Variants in KDM3B observed in about 807,000 individuals in gnomAD.
KDM3B encodes lysine demethylase 3B.
KDM3B carries 10 observed loss-of-function variants against 170.0 expected under a neutral mutation model. The observed-to-expected ratio is 0.06, with a 90% CI of 0.04 to 0.10. The LOEUF (loss-of-function observed/expected upper bound fraction) is 0.10, where lower values mean the gene tolerates loss of function less well. KDM3B is among the 10% of genes least tolerant of loss of function. KDM3B has a pLI of 1.00. For missense variants in KDM3B, 1,394 were observed against 2,195.2 expected (o/e 0.64, Z 7.29); for synonymous variants, 831 against 834.8 (o/e 1.00, Z 0.08).
chr5:138,396,441 G>A lies in KDM3B; in HGVS notation c.2832-1737G>A, dbSNP rs114636889. ...GGAACTTTGCTCAAGCAGATAAATG[G>A]AGGGAGGGTATGGCTTGAGAGGATT... is the stretch of plus-strand genomic sequence containing the variant. On this transcript the variant is annotated intron_variant, in intron 9 of 23. Transcript: ENST00000314358. 1.6e-3 allele frequency among the ~76,000 whole-genome samples: 240 copies of A among 152,308 alleles called. 1 individual carries two copies. The highest frequency in any genetic ancestry group is 5.1e-3 in the African/African-American group (214 of 41,568).
rs190592497 is a variant in KDM3B at position 138,365,507 on chromosome 5, C to T, written c.193-7167C>T. ...TCCTGACCTCAGGTGATCTGCCTGC[C>T]TCGGCCTCCCAGAGTGCTGGGATTA... On this transcript the variant is annotated intron_variant, in intron 1 of 23. Coordinates refer to ENST00000314358, the MANE Select transcript of KDM3B (RefSeq NM_016604.4). 9.8e-4 allele frequency among the ~76,000 whole-genome samples: 149 copies of T among 152,012 alleles called. No individual in the cohort carries two copies. In the East Asian group the frequency reaches 0.022, roughly 23 times the overall value.
intron 11 of KDM3B, among the ~76,000 whole-genome samples, chr5:138,411,871 T>G (rs1263498934): frequency 1.3e-5 from 2 of 150,602 alleles, no homozygotes; most frequent in Non-Finnish European, 3.0e-5. Flanking sequence ...AGCCAATTTT[T>G]TTGTATTTTT....
intron 20 of KDM3B, among the ~76,000 whole-genome samples, chr5:138,429,051 G>A (rs985889500): frequency 2.0e-5 from 3 of 150,254 alleles, no homozygotes; most frequent in Non-Finnish European, 3.0e-5. Flanking sequence ...CAAGTTACTG[G>A]GCCTACAGGC....
chr5:138,419,043 G>C lies in KDM3B; in HGVS notation c.3526G>C (p.Asp1176His). Residue 1176 changes from aspartate to histidine, a missense_variant, in exon 14 of 24, where the codon GAC (aspartate) becomes CAC (histidine). Coordinates refer to ENST00000314358, the MANE Select transcript of KDM3B (RefSeq NM_016604.4). The stretch of plus-strand genomic sequence containing the variant: ...GGCACCAGTAACAACTCCAGAGCCG[G>C]ACCATGTTCCCAAAGCCGACAGCAC... The part of the protein sequence containing the change: ...GPAPVTTPEP[D>H]HVPKADSTDI... 3 of 1,614,132 alleles carry C rather than the reference G, an allele frequency of 1.9e-6. No individual in the cohort carries two copies. Among genetic ancestry groups the C allele is most frequent in the Non-Finnish European group, 2.5e-6 (3 of 1,180,030 alleles).
rs144047213 is a variant in KDM3B at position 138,419,728 on chromosome 5, TACACACACACAC to T, written c.3715+524_3715+535del. Reference sequence around the variant, plus strand: ...ACACACACATATATATACACACACATACACACACACACACACACACACACACACACACACACA... The same window carrying T: ...ACACACACATATATATACACACACATACACACACACACACACACACACACA... On this transcript the variant is annotated intron_variant, in intron 14 of 23. Coordinates refer to ENST00000314358, the MANE Select transcript of KDM3B (RefSeq NM_016604.4). Among the ~76,000 whole-genome samples the T allele has an allele frequency of 1.7e-3, 213 of 122,192 alleles. 1 individual carries two copies. Among genetic ancestry groups the T allele is most frequent in the African/African-American group, 2.7e-3 (82 of 30,364 alleles). The allele number at this position is 122,192 out of a possible 152,430, so 80.2% of individuals were successfully genotyped here. A position where few individuals can be genotyped will look rare whatever the true frequency, so the allele number is the denominator to read the frequency against.
intron 7 of KDM3B, among the ~76,000 whole-genome samples, chr5:138,387,597 G>A (rs1458021909): frequency 6.6e-6 from 1 of 152,178 alleles, no homozygotes; most frequent in Admixed American, 6.6e-5. Flanking sequence ...AGTGCAGATT[G>A]TTAATCCCTA....
At chr5:138,407,025 G>A (rs1010674742) in intron 11 of KDM3B, among the ~76,000 whole-genome samples, 10 of 131,812 alleles carry the variant, frequency 7.6e-5, no homozygotes, top group East Asian at 6.7e-4. Context: ...TATCTCTGTC[G>A]CCCGGGCTGG....
chr5:138,396,834 T>A (rs1378721399), intron 9 of KDM3B, among the ~76,000 whole-genome samples: 1 of 152,082 alleles, frequency 6.6e-6, no homozygotes, highest in Non-Finnish European at 1.5e-5. Flanking sequence ...ACCAAGAAAC[T>A]GTATTGTGAC....
rs773261500 is a variant in KDM3B, at chr5:138,430,471, CTT to C, written c.5070+47_5070+48del. 58 of 1,533,374 alleles carry C rather than the reference CTT, an allele frequency of 3.8e-5. 1 individual carries two copies. The highest frequency in any genetic ancestry group is 5.0e-5 in the Non-Finnish European group (56 of 1,117,862). 95.0% of individuals were successfully genotyped at this position (1,533,374 alleles called of 1,614,324 possible). On this transcript the variant is annotated intron_variant, in intron 22 of 23. Transcript: ENST00000314358. ...TGGGCTGAACAGTTCCATGGGCTTT[CTT>C]ATTTCTGCTTTTCTTGCTAATCTAC...
chr5:138,388,306 G>C (rs545843590), intron 7 of KDM3B, among the ~76,000 whole-genome samples: 1 of 152,076 alleles, frequency 6.6e-6, no homozygotes, highest in South Asian at 2.1e-4. Flanking sequence ...CTGTGTTTCT[G>C]TTTGGTTCTT....
At chr5:138,363,253 C>A (rs972428361) in intron 1 of KDM3B, among the ~76,000 whole-genome samples, 3 of 152,042 alleles carry the variant, frequency 2.0e-5, no homozygotes, top group Admixed American at 6.6e-5. Flanking sequence ...TTTTGAAGCC[C>A]CTATTAGGCT....
chr5:138,389,881 G>C (rs1380823724), intron 7 of KDM3B, among the ~76,000 whole-genome samples: 1 of 150,786 alleles, frequency 6.6e-6, no homozygotes, highest in Non-Finnish European at 1.5e-5. Flanking sequence ...TTGTTTTTGT[G>C]AGGGAATCTT....
Position 138,392,322 on chromosome 5 carries a change from G to A in KDM3B, c.2629+61G>A, listed in dbSNP as rs1762455944. ...GGCACTGGGCTCAAATGCCTGTCGT[G>A]TTCTTGTGCAGCAGAGGCACTCACT... On this transcript the variant is annotated intron_variant, in intron 8 of 23. Transcript: ENST00000314358. 3 of 1,423,722 alleles carry A rather than the reference G, an allele frequency of 2.1e-6. No individual in the cohort carries two copies. The South Asian group carries it at 5.2e-5, about 25-fold the overall frequency. 88.2% of individuals were successfully genotyped at this position (1,423,722 alleles called of 1,614,324 possible). A position where few individuals can be genotyped will look rare whatever the true frequency, so the allele number is the denominator to read the frequency against.
rs1301512987 is a variant in KDM3B at position 138,393,178 on chromosome 5, G to A, written c.2637G>A (p.Gln879=). The part of the protein sequence containing the change: ...RPRTAPLKVG[Q]SVLKDVSKVK... ...CTCTCCCCCTTGCCACAGTTGGCCA[G>A]TCAGTGCTGAAAGATGTAAGCAAAG... is the stretch of plus-strand genomic sequence containing the variant. The change falls in exon 9 of 24, where the codon CAG becomes CAA. Residue 879 remains glutamine (Q), a synonymous_variant. Transcript: ENST00000314358. The A allele has an allele frequency of 6.2e-7, 1 of 1,613,948 alleles. No individual in the cohort carries two copies. The highest frequency in any genetic ancestry group is 8.5e-7 in the Non-Finnish European group (1 of 1,180,032).
intron 3 of KDM3B, among the ~76,000 whole-genome samples, chr5:138,376,039 C>T (rs1761991097): frequency 6.6e-6 from 1 of 151,874 alleles, no homozygotes; most frequent in Non-Finnish European, 1.5e-5. Context: ...TGCAGTGGCT[C>T]CATCTCGCCT....
rs1763673632 is a variant in KDM3B at position 138,436,394 on chromosome 5, A to G, written c.*694A>G. ...AGTTGTTTTCCTGGATTATAAGGAA[A>G]GGCACATTACATTTAGTCTTCCTTT... On this transcript the variant is annotated 3_prime_UTR_variant, in exon 24 of 24. Coordinates refer to ENST00000314358, the MANE Select transcript of KDM3B (RefSeq NM_016604.4). 6.6e-6 allele frequency: 1 copy of G among 152,274 alleles called. No individual in the cohort carries two copies. The highest frequency in any genetic ancestry group is 2.4e-5 in the African/African-American group (1 of 41,468). The allele number at this position is 152,274 out of a possible 1,614,324, so 9.4% of individuals were successfully genotyped here. A position where few individuals can be genotyped will look rare whatever the true frequency, so the allele number is the denominator to read the frequency against.
At chr5:138,401,676 A>C (rs1406235915) in intron 11 of KDM3B, among the ~76,000 whole-genome samples, 9 of 152,218 alleles carry the variant, frequency 5.9e-5, no homozygotes, top group Admixed American at 5.9e-4. Flanking sequence ...TGACAATTCT[A>C]CTTTTAACCT....
chr5:138,403,768 G>A (rs1477938076), intron 11 of KDM3B, among the ~76,000 whole-genome samples: 1 of 151,252 alleles, frequency 6.6e-6, no homozygotes, highest in Non-Finnish European at 1.5e-5. Flanking sequence ...TGAGGCAGGA[G>A]GATCACTTAA....
chr5:138,418,899 A>AT, intron 13 of KDM3B, 54 bp from the exon 14 acceptor site: 2 of 1,561,416 alleles, frequency 1.3e-6, no homozygotes, highest in Non-Finnish European at 1.8e-6. Context: ...TACTAGTTGT[A>AT]TTTTTTTCTA....
Sources: gnomAD v4.1 joint callset for allele counts (sites outside exome capture counted in the v4.1 genomes callset) on GRCh38, gnomAD v4.1.1 for gene constraint, MANE v1.5 for transcripts, NCBI Gene and HGNC (gene_info 2026-07-23, HGNC 2026-07-21) for gene names.